Variants in MAN1C1 observed in about 807,000 individuals in gnomAD.
The protein encoded by MAN1C1 is mannosidase alpha class 1C member 1.
MAN1C1 carries 49 observed loss-of-function variants against 71.5 expected under a neutral mutation model. That is an observed-to-expected ratio of 0.69 (90% CI 0.54 to 0.87). MAN1C1 has a LOEUF of 0.87. Ranked by LOEUF, MAN1C1 falls within the 40% of genes least tolerant of loss-of-function variation. The probability of loss-of-function intolerance (pLI) is 0.00; values close to 1 mark genes in which losing one functional copy is unlikely to be tolerated. For synonymous variants in MAN1C1, 352 were observed against 343.7 expected, an observed-to-expected ratio of 1.02 and a Z score of -0.27; for missense variants, 743 against 835.0, an observed-to-expected ratio of 0.89 and a Z score of 1.36.
At chr1:25,727,506 C>T (rs1267223) in intron 2 of MAN1C1, among the ~76,000 whole-genome samples, 78 of 152,250 alleles carry the variant, frequency 5.1e-4, no homozygotes, top group African/African-American at 1.7e-3. Flanking sequence ...AATGGCCTTG[C>T]CCCCGACTCC....
chr1:25,752,080 C>A (rs1355763864), intron 4 of MAN1C1, among the ~76,000 whole-genome samples: 1 of 152,178 alleles, frequency 6.6e-6, no homozygotes, highest in Admixed American at 6.5e-5. Flanking sequence ...CAGAGGGAGA[C>A]CCCCTGCTGG....
At chr1:25,675,392 T>C (rs1429421681) in intron 1 of MAN1C1, among the ~76,000 whole-genome samples, 1 of 152,230 alleles carries the variant, frequency 6.6e-6, no homozygotes, top group Admixed American at 6.5e-5. Context: ...CAGCTCCTTC[T>C]AAGTTGCTGC....
chr1:25,643,118 C>T (rs796887633), intron 1 of MAN1C1, among the ~76,000 whole-genome samples: 9 of 152,132 alleles, frequency 5.9e-5, no homozygotes, highest in African/African-American at 1.2e-4. Flanking sequence ...CCCAGGTGGA[C>T]GCCATTTCTT....
chr1:25,773,690 A>G (rs1572212286), intron 8 of MAN1C1, among the ~76,000 whole-genome samples: 1 of 152,352 alleles, frequency 6.6e-6, no homozygotes, highest in South Asian at 2.1e-4. Flanking sequence ...ACAGTAGTTG[A>G]GCCATCAAGG....
intron 2 of MAN1C1, among the ~76,000 whole-genome samples, chr1:25,738,325 C>T (rs1438802382): frequency 2.0e-5 from 3 of 152,018 alleles, no homozygotes; most frequent in East Asian, 1.9e-4. Context: ...GGTCCCAGTC[C>T]GTAAATGGGT....
intron 1 of MAN1C1, among the ~76,000 whole-genome samples, chr1:25,655,571 G>A (rs1366637127): frequency 6.6e-6 from 1 of 152,130 alleles, no homozygotes; most frequent in African/African-American, 2.4e-5. Flanking sequence ...TGGCCCTTGG[G>A]GATAGTGGAT....
intron 1 of MAN1C1, among the ~76,000 whole-genome samples, chr1:25,671,783 G>A (rs2045996021): frequency 6.6e-6 from 1 of 152,228 alleles, no homozygotes; most frequent in Non-Finnish European, 1.5e-5. Context: ...TTACAGTTTA[G>A]TAGGTCAGGG....
intron 8 of MAN1C1, among the ~76,000 whole-genome samples, chr1:25,774,112 C>G (rs1047426494): frequency 1.3e-5 from 2 of 152,198 alleles, no homozygotes; most frequent in Non-Finnish European, 2.9e-5. Context: ...AGCCTCACCC[C>G]AGGCCAATAA....
chr1:25,643,357 C>T (rs35800419), intron 1 of MAN1C1, among the ~76,000 whole-genome samples: 4,178 of 150,972 alleles, frequency 0.028, 77 homozygotes, highest in Non-Finnish European at 0.044. Context: ...TGGTTTTAAG[C>T]GATTCTCCAG....
intron 2 of MAN1C1, among the ~76,000 whole-genome samples, chr1:25,690,288 CTTTTTT>C (rs33932251): frequency 1.7e-5 from 2 of 119,762 alleles, no homozygotes; most frequent in Non-Finnish European, 3.3e-5. Context: ...ATCTCTGCCT[CTTTTTT>C]TTTTTTTTTT....
intron 1 of MAN1C1, chr1:25,644,497 C>CATGTATATATATATATATATAT (rs1553182563): frequency 2.7e-4 from 22 of 80,144 alleles, no homozygotes; most frequent in African/African-American, 1.7e-3. Context: ...GTACCAGAGA[C>CATGTATATATATATATATATAT]ATATATATAT....
chr1:25,638,919 G>C (rs1207711064), intron 1 of MAN1C1, among the ~76,000 whole-genome samples: 1 of 152,014 alleles, frequency 6.6e-6, no homozygotes, highest in Non-Finnish European at 1.5e-5. Flanking sequence ...CATCAGTTTG[G>C]AAAAAGTTTG....
intron 5 of MAN1C1, 21 bp from the exon 6 acceptor site, chr1:25,758,571 G>A (rs768859063): frequency 2.9e-5 from 46 of 1,612,020 alleles, no homozygotes; most frequent in Non-Finnish European, 3.6e-5. Context: ...GGGATGACGG[G>A]GGCTGCTTCT....
intron 2 of MAN1C1, among the ~76,000 whole-genome samples, chr1:25,709,132 A>G (rs1222314393): frequency 6.6e-6 from 1 of 152,210 alleles, no homozygotes; most frequent in Non-Finnish European, 1.5e-5. Flanking sequence ...GTGGAAGATC[A>G]TCAGGGAGAG....
chr1:25,621,734 G>A (rs543522069), intron 1 of MAN1C1, among the ~76,000 whole-genome samples: 41 of 152,080 alleles, frequency 2.7e-4, no homozygotes, highest in African/African-American at 8.7e-4. Flanking sequence ...AGGTTCAAGC[G>A]ATTCTCATGA....
intron 1 of MAN1C1, among the ~76,000 whole-genome samples, chr1:25,629,417 T>A (rs1419372812): frequency 6.6e-6 from 1 of 152,210 alleles, no homozygotes; most frequent in East Asian, 1.9e-4. Context: ...AAATGTCTAT[T>A]CATGTCATTT....
chr1:25,631,198 G>C lies in MAN1C1; in HGVS notation c.540+12861G>C, dbSNP rs2045374532. 6.6e-6 allele frequency among the ~76,000 whole-genome samples: 1 copy of C among 152,016 alleles called. No homozygotes were observed. Among genetic ancestry groups the C allele is most frequent in the Non-Finnish European group, 1.5e-5 (1 of 67,984 alleles). ...GCCCAGGCTGGTCTCAAACTCCTGA[G>C]CTTAGGCAGTCCACCCGCCTCAGCC... On this transcript the variant is annotated intron_variant, in intron 1 of 11. Coordinates refer to ENST00000374332, the MANE Select transcript of MAN1C1 (RefSeq NM_020379.4). The surrounding 1 kb of genome is among the most constrained non-coding windows in gnomAD (Gnocchi z 4.2).
At chr1:25,700,981 C>T (rs904749036) in intron 2 of MAN1C1, among the ~76,000 whole-genome samples, 1 of 152,236 alleles carries the variant, frequency 6.6e-6, no homozygotes, top group Admixed American at 6.5e-5. Context: ...TTAGGCTTGG[C>T]GCCTAGGGCC....
intron 2 of MAN1C1, among the ~76,000 whole-genome samples, chr1:25,697,734 T>A (rs59573546): frequency 0.05 from 7,596 of 152,332 alleles, 381 homozygotes; most frequent in East Asian, 0.18. Flanking sequence ...TCGTTTATGT[T>A]GGAATACACC....
Sources: allele counts gnomAD v4.1 joint callset (sites outside exome capture counted in the v4.1 genomes callset), GRCh38; gene constraint gnomAD v4.1.1; non-coding constraint Gnocchi (gnomAD v3.1); transcripts MANE v1.5; gene names NCBI Gene and HGNC (gene_info 2026-07-23, HGNC 2026-07-21).